The following CSTPP1 variants were observed in gnomAD, a reference collection of about 807,000 sequenced individuals.
CSTPP1 encodes the protein UPF0705 protein C11orf49.
chr11:47,069,558 T>C, the CSTPP1 span, among the ~76,000 whole-genome samples: 1 of 152,220 alleles, frequency 6.6e-6, no homozygotes, highest in East Asian at 1.9e-4. Context: ...CCACCTGGTT[T>C]AAAATTTAAA....
chr11:47,090,001 A>G, the CSTPP1 span, among the ~76,000 whole-genome samples: 1 of 152,136 alleles, frequency 6.6e-6, no homozygotes. Context: ...TTTTTGTTTG[A>G]ACGGAGTTTC....
At chr11:46,982,586 G>T in the CSTPP1 span, among the ~76,000 whole-genome samples, 2 of 152,054 alleles carry the variant, frequency 1.3e-5, no homozygotes, top group African/African-American at 4.8e-5. Flanking sequence ...TTATGCTTGG[G>T]AAGAGAATAA....
At chr11:47,062,592 A>G in the CSTPP1 span, among the ~76,000 whole-genome samples, 1 of 152,234 alleles carries the variant, frequency 6.6e-6, no homozygotes, top group Non-Finnish European at 1.5e-5. Flanking sequence ...AATAATATTC[A>G]GTATTCCAAA....
At chr11:46,981,427 G>T in the CSTPP1 span, among the ~76,000 whole-genome samples, 1 of 152,034 alleles carries the variant, frequency 6.6e-6, no homozygotes, top group African/African-American at 2.4e-5. Flanking sequence ...AGCTTTATCT[G>T]TATTGTTTGA....
chr11:46,992,797 C>T, the CSTPP1 span, among the ~76,000 whole-genome samples: 8 of 152,228 alleles, frequency 5.3e-5, no homozygotes, highest in African/African-American at 1.9e-4. Flanking sequence ...GTTCTAGATC[C>T]TTGAGGAATC....
At chr11:47,122,379 A>G in the CSTPP1 span, among the ~76,000 whole-genome samples, 2 of 151,224 alleles carry the variant, frequency 1.3e-5, no homozygotes, top group African/African-American at 4.9e-5. Flanking sequence ...CATTCAGGTG[A>G]CTTAGAGGGG....
At chr11:46,998,091 G>A in the CSTPP1 span, among the ~76,000 whole-genome samples, 4 of 152,066 alleles carry the variant, frequency 2.6e-5, no homozygotes, top group Non-Finnish European at 5.9e-5. Context: ...TCAAAGCTCC[G>A]TTGGAAATGC....
At chr11:47,131,250 G>A in the CSTPP1 span, among the ~76,000 whole-genome samples, 1 of 152,058 alleles carries the variant, frequency 6.6e-6, no homozygotes, top group Non-Finnish European at 1.5e-5. Flanking sequence ...CCTGGCAAAG[G>A]TACCATTTCC....
the CSTPP1 span, among the ~76,000 whole-genome samples, chr11:47,133,874 G>A: frequency 1.3e-5 from 2 of 152,142 alleles, no homozygotes; most frequent in Admixed American, 6.5e-5. Flanking sequence ...GATAATAGTC[G>A]TGAAGATTAG....
At chr11:47,145,900 ATTATT>A in the CSTPP1 span, among the ~76,000 whole-genome samples, 24 of 151,200 alleles carry the variant, frequency 1.6e-4, no homozygotes, top group African/African-American at 2.9e-4. Flanking sequence ...CTTTCCGTAA[ATTATT>A]TTATTTTATT....
chr11:47,075,022 T>C, the CSTPP1 span, among the ~76,000 whole-genome samples: 2 of 152,202 alleles, frequency 1.3e-5, no homozygotes, highest in African/African-American at 4.8e-5. Context: ...ATAGACCCTC[T>C]AGAAAGTGTC....
chr11:47,058,672 C>T, the CSTPP1 span, among the ~76,000 whole-genome samples: 59 of 152,212 alleles, frequency 3.9e-4, no homozygotes, highest in African/African-American at 1.3e-3. Context: ...CACAACAACC[C>T]TATGTGTTAG....
At chr11:46,998,925 A>G in the CSTPP1 span, among the ~76,000 whole-genome samples, 1 of 152,074 alleles carries the variant, frequency 6.6e-6, no homozygotes, top group East Asian at 1.9e-4. Flanking sequence ...TATTTTTAGT[A>G]GAGAGGGGGC....
the CSTPP1 span, among the ~76,000 whole-genome samples, chr11:47,074,855 C>G: frequency 6.6e-6 from 1 of 152,192 alleles, no homozygotes; most frequent in Non-Finnish European, 1.5e-5. Context: ...AGGGAGCTCC[C>G]TCATTCATCG....
the CSTPP1 span, among the ~76,000 whole-genome samples, chr11:47,005,693 G>A: frequency 1.3e-5 from 2 of 152,086 alleles, no homozygotes; most frequent in Non-Finnish European, 1.5e-5. Context: ...CTATGTTAGA[G>A]GGCCTGCCAC....
chr11:47,038,184 G>C, the CSTPP1 span, among the ~76,000 whole-genome samples: 1 of 98,524 alleles, frequency 1.0e-5, no homozygotes, highest in Non-Finnish European at 2.5e-5. Flanking sequence ...CAGACGGGGC[G>C]GCTGGCCGGG....
chr11:47,149,451 G>A, the CSTPP1 span, among the ~76,000 whole-genome samples: 1 of 152,166 alleles, frequency 6.6e-6, no homozygotes, highest in Non-Finnish European at 1.5e-5. Flanking sequence ...ATTCTTTCCC[G>A]AGCCCTCTGG....
the CSTPP1 span, among the ~76,000 whole-genome samples, chr11:47,020,671 A>G: frequency 1.3e-5 from 2 of 152,234 alleles, no homozygotes; most frequent in Admixed American, 6.5e-5. Context: ...AACTAGATTA[A>G]TGTGTTTAAA....
At chr11:46,992,652 G>C in the CSTPP1 span, among the ~76,000 whole-genome samples, 5 of 152,200 alleles carry the variant, frequency 3.3e-5, no homozygotes, top group African/African-American at 1.2e-4. Context: ...GGACATTTGG[G>C]TTGGTTCCAA....
Sources: gnomAD v4.1 joint callset for allele counts (sites outside exome capture counted in the v4.1 genomes callset) on GRCh38, gnomAD v4.1.1 for gene constraint, MANE v1.5 for transcripts, NCBI Gene and HGNC (gene_info 2026-07-23, HGNC 2026-07-21) for gene names.